Variants in GRIK1 observed in about 807,000 individuals in gnomAD.
GRIK1 encodes the protein glutamate receptor ionotropic, kainate 1.
A neutral mutation model predicts 105.7 loss-of-function variants in GRIK1; 69 were observed. The observed-to-expected ratio is 0.65, with a 90% CI of 0.54 to 0.80. GRIK1 has a LOEUF of 0.80. GRIK1 is among the 30% of genes least tolerant of loss of function. GRIK1 has a pLI of 0.00. For missense variants in GRIK1, 1,109 were observed against 1,167.3 expected, an observed-to-expected ratio of 0.95 and a Z score of 0.73; for synonymous variants, 438 against 431.3, an observed-to-expected ratio of 1.02 and a Z score of -0.19.
At chr21:29,922,589 TA>T (rs2071227106) in intron 1 of GRIK1, among the ~76,000 whole-genome samples, 1 of 152,168 alleles carries the variant, frequency 6.6e-6, no homozygotes, top group African/African-American at 2.4e-5. Context: ...GGAAGCAACC[TA>T]AATGAACTTT....
At chr21:29,855,693 T>G (rs151168983) in intron 1 of GRIK1, among the ~76,000 whole-genome samples, 4 of 152,164 alleles carry the variant, frequency 2.6e-5, no homozygotes, top group Admixed American at 2.0e-4. Flanking sequence ...ATAGATCAGC[T>G]GGGGAAAGAG....
At chr21:29,813,460 A>G (rs2067066535) in intron 1 of GRIK1, among the ~76,000 whole-genome samples, 4 of 152,174 alleles carry the variant, frequency 2.6e-5, no homozygotes, top group Non-Finnish European at 5.9e-5. Context: ...AAATCCAATC[A>G]TTATCACAGA....
intron 14 of GRIK1, among the ~76,000 whole-genome samples, chr21:29,567,352 A>G (rs1445576840): frequency 1.3e-5 from 2 of 152,130 alleles, no homozygotes; most frequent in Non-Finnish European, 2.9e-5. Flanking sequence ...TATTTATCAC[A>G]TTATTTCTTC....
intron 1 of GRIK1, among the ~76,000 whole-genome samples, chr21:29,756,543 A>C (rs1359211144): frequency 6.6e-6 from 1 of 152,052 alleles, no homozygotes; most frequent in Non-Finnish European, 1.5e-5. Flanking sequence ...ACCCAGTAGA[A>C]ATTTCTCAGG....
intron 1 of GRIK1, among the ~76,000 whole-genome samples, chr21:29,831,432 A>T (rs556854196): frequency 1.3e-5 from 2 of 152,182 alleles, no homozygotes; most frequent in Admixed American, 6.6e-5. Context: ...GCTATAAAGA[A>T]CTACCTGAGA....
intron 16 of GRIK1, among the ~76,000 whole-genome samples, chr21:29,539,659 G>A (rs923784094): frequency 1.3e-5 from 2 of 152,158 alleles, no homozygotes; most frequent in Non-Finnish European, 1.5e-5. Context: ...ATATAGTATT[G>A]TATCAGAGTT....
At position 29,695,472 on chromosome 21, in the gene GRIK1, C is replaced by CTA. The variant is rs566101202; in HGVS notation, c.119-1411_119-1410dup. 3.2e-3 allele frequency among the ~76,000 whole-genome samples: 406 copies of CTA among 128,786 alleles called. 1 individual carries two copies. Among genetic ancestry groups the CTA allele is most frequent in the African/African-American group, 7.7e-3 (278 of 36,108 alleles). 84.5% of individuals were successfully genotyped at this position (128,786 alleles called of 152,430 possible). A position where few individuals can be genotyped will look rare whatever the true frequency, so the allele number is the denominator to read the frequency against. On this transcript the variant is annotated intron_variant, in intron 1 of 17. Transcript: ENST00000327783. ...TCTATCTATCTATCTATCTATCTAT[C>CTA]TATCTATATATATATATTTTGAGAT... is the stretch of plus-strand genomic sequence containing the variant.
chr21:29,548,307 C>A (rs1299390386), intron 16 of GRIK1, among the ~76,000 whole-genome samples: 1 of 152,182 alleles, frequency 6.6e-6, no homozygotes, highest in African/African-American at 2.4e-5. Context: ...CAAGGATGTT[C>A]ATATCTTTGC....
At chr21:29,876,404 C>A (rs971504091) in intron 1 of GRIK1, among the ~76,000 whole-genome samples, 1 of 152,076 alleles carries the variant, frequency 6.6e-6, no homozygotes, top group Non-Finnish European at 1.5e-5. Flanking sequence ...ATATTTGTGT[C>A]TCATTGTCCC....
chr21:29,823,082 A>G (rs2067349832), intron 1 of GRIK1, among the ~76,000 whole-genome samples: 2 of 152,024 alleles, frequency 1.3e-5, no homozygotes, highest in Non-Finnish European at 1.5e-5. Flanking sequence ...CCAATAAGAT[A>G]GGGTTAGCTC....
chr21:29,678,709 G>A (rs1426307574), intron 3 of GRIK1, among the ~76,000 whole-genome samples: 1 of 152,110 alleles, frequency 6.6e-6, no homozygotes, highest in Non-Finnish European at 1.5e-5. Flanking sequence ...TCCATCGTTG[G>A]GTTATTTCAG....
intron 7 of GRIK1, among the ~76,000 whole-genome samples, chr21:29,619,233 T>C (rs1029168155): frequency 6.7e-6 from 1 of 150,272 alleles, no homozygotes; most frequent in Non-Finnish European, 1.5e-5. Flanking sequence ...GGTCAGGAGA[T>C]CAAGACCATC....
chr21:29,918,392 A>C (rs73898547), intron 1 of GRIK1, among the ~76,000 whole-genome samples: 5,102 of 152,150 alleles, frequency 0.034, 302 homozygotes, highest in African/African-American at 0.12. Flanking sequence ...TTTTACAGAC[A>C]AGAAAATTGA....
At chr21:29,898,317 C>T (rs1250709167) in intron 1 of GRIK1, among the ~76,000 whole-genome samples, 1 of 152,204 alleles carries the variant, frequency 6.6e-6, no homozygotes, top group Non-Finnish European at 1.5e-5. Context: ...ATGCCCTCGA[C>T]ACAGTCTGGG....
At chr21:29,615,970 C>T (rs1433194616) in intron 7 of GRIK1, among the ~76,000 whole-genome samples, 1 of 152,184 alleles carries the variant, frequency 6.6e-6, no homozygotes, top group African/African-American at 2.4e-5. Flanking sequence ...CAATCACTAA[C>T]AGTACACCTG....
At position 29,860,202 on chromosome 21, in the gene GRIK1, G is replaced by T. The variant is rs117929338; in HGVS notation, c.118+79181C>A. On this transcript the variant is annotated intron_variant, in intron 1 of 17. Coordinates refer to ENST00000327783, the MANE Select transcript of GRIK1 (RefSeq NM_001330994.2). Reference sequence around the variant, plus strand: ...CTAACTGATCCTCTTGGGGACTCCAGAGAAAATAAGAGGCTATCTACTCTA... The same window carrying T: ...CTAACTGATCCTCTTGGGGACTCCATAGAAAATAAGAGGCTATCTACTCTA... Among the ~76,000 whole-genome samples, 13 of 152,330 alleles carry T rather than the reference G, an allele frequency of 8.5e-5. No individual in the cohort carries two copies. In the East Asian group the frequency reaches 2.3e-3, roughly 27 times the overall value.
At chr21:29,571,475 G>A (rs1213903971) in intron 14 of GRIK1, among the ~76,000 whole-genome samples, 3 of 152,082 alleles carry the variant, frequency 2.0e-5, no homozygotes, top group African/African-American at 4.8e-5. Context: ...TCTTCTTGTT[G>A]AGAACCAAAT....
intron 16 of GRIK1, among the ~76,000 whole-genome samples, chr21:29,550,003 G>C (rs1568797743): frequency 6.6e-6 from 1 of 150,982 alleles, no homozygotes; most frequent in Non-Finnish European, 1.5e-5. Flanking sequence ...AGCTACTCAG[G>C]AGGCTGAGGC....
intron 6 of GRIK1, among the ~76,000 whole-genome samples, chr21:29,649,603 G>T (rs1221954228): frequency 3.3e-5 from 5 of 152,166 alleles, no homozygotes; most frequent in Non-Finnish European, 7.4e-5. Context: ...GATTCCACAT[G>T]AATTGCGTAG....
Sources: gnomAD v4.1 joint callset for allele counts (sites outside exome capture counted in the v4.1 genomes callset) on GRCh38, gnomAD v4.1.1 for gene constraint, MANE v1.5 for transcripts, NCBI Gene and HGNC (gene_info 2026-07-23, HGNC 2026-07-21) for gene names.